The following ANKRD30BL variants were observed in gnomAD, a reference collection of about 807,000 sequenced individuals.
ANKRD30BL encodes the protein ankyrin repeat domain 30B like.
Under a neutral mutation model 18.4 loss-of-function variants are expected in ANKRD30BL, and 20 were observed. The ratio of observed to expected loss-of-function variants is 1.09; its 90% confidence interval spans 0.77 to 1.58. The LOEUF is 1.58. ANKRD30BL is among the 40% of genes most tolerant of loss of function. The pLI, the probability that ANKRD30BL is intolerant of heterozygous loss-of-function variation, is 0.00. For synonymous variants in ANKRD30BL, 72 were observed against 100.9 expected (o/e 0.71, Z 1.72); for missense variants, 224 against 268.6 (o/e 0.83, Z 1.16).
chr2:132,173,661 T>G (rs2104942725), intron 1 of ANKRD30BL, among the ~76,000 whole-genome samples: 1 of 152,248 alleles, frequency 6.6e-6, no homozygotes, highest in South Asian at 2.1e-4. Context: ...AATCTGTAAT[T>G]ATTTTTTTTT....
chr2:132,193,089 C>T (rs1678892410), intron 1 of ANKRD30BL, among the ~76,000 whole-genome samples: 1 of 152,162 alleles, frequency 6.6e-6, no homozygotes, highest in Non-Finnish European at 1.5e-5. Context: ...AGAAAGCACT[C>T]ACCACAGAAG....
At chr2:132,168,920 G>T (rs569309337) in intron 1 of ANKRD30BL, among the ~76,000 whole-genome samples, 1,821 of 150,174 alleles carry the variant, frequency 0.012, 31 homozygotes, top group African/African-American at 0.043. Context: ...CATTTGTACA[G>T]CATAATTAAT....
intron 1 of ANKRD30BL, among the ~76,000 whole-genome samples, chr2:132,255,260 G>A (rs78153860): frequency 2.0e-5 from 3 of 152,166 alleles, no homozygotes; most frequent in Middle Eastern, 3.2e-3. Flanking sequence ...CTCTAGCGGT[G>A]CAATATGAAT....
chr2:132,218,343 T>G (rs1340929524), intron 1 of ANKRD30BL, among the ~76,000 whole-genome samples: 1 of 152,250 alleles, frequency 6.6e-6, no homozygotes, highest in Admixed American at 6.5e-5. Flanking sequence ...GAGGTGTGCA[T>G]TCAACTCACA....
At chr2:132,209,861 A>T (rs1404133264) in intron 1 of ANKRD30BL, among the ~76,000 whole-genome samples, 2 of 151,448 alleles carry the variant, frequency 1.3e-5, no homozygotes, top group African/African-American at 4.9e-5. Flanking sequence ...ATATCTTCAC[A>T]TAAATACTAG....
At chr2:132,237,254 A>G (rs996353466) in intron 1 of ANKRD30BL, among the ~76,000 whole-genome samples, 1 of 151,994 alleles carries the variant, frequency 6.6e-6, no homozygotes, top group African/African-American at 2.4e-5. Flanking sequence ...GTGCACATGA[A>G]CCCTAAAACT....
chr2:132,252,811 T>A (rs1023769801), intron 1 of ANKRD30BL, among the ~76,000 whole-genome samples: 1 of 151,372 alleles, frequency 6.6e-6, no homozygotes, highest in East Asian at 2.0e-4. Context: ...CCCCACACCA[T>A]GAGCTGCATG....
intron 1 of ANKRD30BL, among the ~76,000 whole-genome samples, chr2:132,170,516 T>G (rs1402633787): frequency 6.6e-6 from 1 of 152,240 alleles, no homozygotes; most frequent in Non-Finnish European, 1.5e-5. Context: ...GGGAGCCCTT[T>G]TTACTTGCTG....
At chr2:132,206,110 A>G (rs938899445) in intron 1 of ANKRD30BL, among the ~76,000 whole-genome samples, 15 of 152,302 alleles carry the variant, frequency 9.8e-5, no homozygotes, top group African/African-American at 3.4e-4. Flanking sequence ...GTGAGCCGAG[A>G]TGATGCCACT....
intron 1 of ANKRD30BL, among the ~76,000 whole-genome samples, chr2:132,167,157 C>A (rs559115510): frequency 1.9e-4 from 29 of 151,518 alleles, no homozygotes; most frequent in East Asian, 7.7e-4. Flanking sequence ...GAACTTTATT[C>A]TTTGAAAAAT....
At chr2:132,221,642 T>G (rs1160261320) in intron 1 of ANKRD30BL, among the ~76,000 whole-genome samples, 4 of 82,092 alleles carry the variant, frequency 4.9e-5, no homozygotes, top group Non-Finnish European at 4.4e-5. Context: ...GGGAGGGAGG[T>G]GGGGGGTTCA....
At chr2:132,152,928 T>TGG (rs1421289318) in intron 4 of ANKRD30BL, among the ~76,000 whole-genome samples, 5 of 152,002 alleles carry the variant, frequency 3.3e-5, no homozygotes, top group African/African-American at 1.2e-4. Context: ...GCTGCCAGAG[T>TGG]GGGGTGCTGG....
chr2:132,192,034 A>AT (rs1226807697), intron 1 of ANKRD30BL, among the ~76,000 whole-genome samples: 1 of 151,818 alleles, frequency 6.6e-6, no homozygotes, highest in South Asian at 2.1e-4. Context: ...GGAGTTTGAT[A>AT]TTTTTTTCTA....
chr2:132,166,285 A>T (rs1688185457), upstream of ANKRD30BL, among the ~76,000 whole-genome samples: 1 of 152,164 alleles, frequency 6.6e-6, no homozygotes, highest in South Asian at 2.1e-4. Flanking sequence ...GGATTTGGTA[A>T]GAGGGTAATA....
At chr2:132,196,003 A>C (rs1271202017) in intron 1 of ANKRD30BL, among the ~76,000 whole-genome samples, 2 of 151,332 alleles carry the variant, frequency 1.3e-5, no homozygotes, top group Non-Finnish European at 2.9e-5. Flanking sequence ...TTAGCCCAGC[A>C]TGGTGGTGGG....
At chr2:132,165,913 G>A (rs1688180815), upstream of ANKRD30BL, among the ~76,000 whole-genome samples, 1 of 151,750 alleles carries the variant, frequency 6.6e-6, no homozygotes, top group South Asian at 2.1e-4. Flanking sequence ...TTGGGAAAAA[G>A]CATCCCATTT....
intron 1 of ANKRD30BL, among the ~76,000 whole-genome samples, chr2:132,160,401 C>CT (rs33924872): frequency 0.015 from 1,503 of 97,482 alleles, 26 homozygotes; most frequent in Middle Eastern, 0.062. Flanking sequence ...ACGCCTGGCC[C>CT]TTTTTTTTTT....
intron 1 of ANKRD30BL, among the ~76,000 whole-genome samples, chr2:132,216,742 G>A (rs1050540063): frequency 4.7e-5 from 7 of 149,260 alleles, no homozygotes; most frequent in African/African-American, 7.4e-5. Flanking sequence ...CATTGGAATC[G>A]GGTACATCTT....
At chr2:132,234,836 T>G (rs1043732852) in intron 1 of ANKRD30BL, among the ~76,000 whole-genome samples, 1 of 152,196 alleles carries the variant, frequency 6.6e-6, no homozygotes, top group Non-Finnish European at 1.5e-5. Flanking sequence ...ACTCATTTTA[T>G]GAGGCCAGCA....
Sources: allele counts gnomAD v4.1 joint callset (sites outside exome capture counted in the v4.1 genomes callset), GRCh38; gene constraint gnomAD v4.1.1; transcripts MANE v1.5; gene names NCBI Gene and HGNC (gene_info 2026-07-23, HGNC 2026-07-21).